CDYL2: variants seen among roughly 807,000 people sequenced by gnomAD.
CDYL2 encodes chromodomain Y like 2.
In CDYL2, 23 loss-of-function variants were observed where a neutral mutation model predicts 49.4. The observed-to-expected ratio is 0.47, with a 90% CI of 0.34 to 0.66. The LOEUF is 0.66. CDYL2 is among the 30% of genes least tolerant of loss of function. The probability of loss-of-function intolerance (pLI) is 0.01; values close to 1 mark genes in which losing one functional copy is unlikely to be tolerated. For synonymous variants in CDYL2, 360 were observed against 268.8 expected, an observed-to-expected ratio of 1.34 and a Z score of -3.32; for missense variants, 678 against 656.4, an observed-to-expected ratio of 1.03 and a Z score of -0.36.
At chr16:80,678,965 A>C (rs1442666830) in intron 2 of CDYL2, among the ~76,000 whole-genome samples, 2 of 151,038 alleles carry the variant, frequency 1.3e-5, no homozygotes, top group African/African-American at 4.9e-5. Context: ...CTTTGTAGGG[A>C]CATGGATGAA....
rs144213571 is a variant in CDYL2 at position 80,720,867 on chromosome 16, A to G, written c.25-35738T>C. On this transcript the variant is annotated intron_variant, in intron 1 of 6. Transcript: ENST00000570137. ...GAGCCGTCCGCTTCAGAAATTGAGCATGTGTGGTTGCTGAAAGGCTTTCTT... is the reference window on the plus strand; with the variant it reads ...GAGCCGTCCGCTTCAGAAATTGAGCGTGTGTGGTTGCTGAAAGGCTTTCTT... Among the ~76,000 whole-genome samples the G allele has an allele frequency of 9.2e-5, 14 of 152,316 alleles. No homozygotes were observed. In the East Asian group the frequency reaches 2.7e-3, roughly 29 times the overall value.
chr16:80,605,297 CAT>C (rs1177780514), intron 6 of CDYL2, among the ~76,000 whole-genome samples: 1 of 148,434 alleles, frequency 6.7e-6, no homozygotes, highest in Non-Finnish European at 1.5e-5. Context: ...CGTATAAACA[CAT>C]ATGTATATAG....
At position 80,633,118 on chromosome 16, in the gene CDYL2, G is replaced by A. The variant is rs759952378; in HGVS notation, c.735C>T (p.Ser245=). The change falls in exon 3 of 7, where the codon AGC becomes AGT. Residue 245 remains serine (S), a synonymous_variant. Transcript: ENST00000570137. ...RLRYSVRQNE[S]NCRFRDIVVR... ...CAACGATGTCTCGAAACCGACAGTTGCTTTCATTCTGGCGGACACTGTATC... is the reference window on the plus strand; with the variant it reads ...CAACGATGTCTCGAAACCGACAGTTACTTTCATTCTGGCGGACACTGTATC... 1 of 1,614,204 alleles carries A rather than the reference G, an allele frequency of 6.2e-7. No homozygotes were observed. The highest frequency in any genetic ancestry group is 8.5e-7 in the Non-Finnish European group (1 of 1,180,030).
intron 1 of CDYL2, among the ~76,000 whole-genome samples, chr16:80,741,183 T>C (rs989036168): frequency 6.7e-5 from 10 of 148,976 alleles, no homozygotes; most frequent in Admixed American, 6.6e-4. Context: ...ACATGTACTA[T>C]ATAAGATGTG....
At chr16:80,722,294 G>A (rs1216270581) in intron 1 of CDYL2, among the ~76,000 whole-genome samples, 1 of 152,154 alleles carries the variant, frequency 6.6e-6, no homozygotes, top group Non-Finnish European at 1.5e-5. Flanking sequence ...GAGCAGGGCT[G>A]GGCACCAAGA....
chr16:80,710,501 TG>T (rs1904559356), intron 1 of CDYL2, among the ~76,000 whole-genome samples: 1 of 152,240 alleles, frequency 6.6e-6, no homozygotes, highest in African/African-American at 2.4e-5. Context: ...GATGTGCGTG[TG>T]TTTGTGTGCA....
chr16:80,666,402 T>C (rs1368537284), intron 2 of CDYL2, among the ~76,000 whole-genome samples: 3 of 152,178 alleles, frequency 2.0e-5, no homozygotes, highest in Admixed American at 1.3e-4. Context: ...CGCTCTCTCA[T>C]AGCAAAGAAC....
intron 1 of CDYL2, among the ~76,000 whole-genome samples, chr16:80,702,512 G>C (rs1031656407): frequency 6.6e-6 from 1 of 152,162 alleles, no homozygotes; most frequent in African/African-American, 2.4e-5. Context: ...CACTCTGGGA[G>C]ACCAAAGCAG....
At chr16:80,615,110 A>G (rs989317059) in intron 4 of CDYL2, among the ~76,000 whole-genome samples, 1 of 152,074 alleles carries the variant, frequency 6.6e-6, no homozygotes, top group Admixed American at 6.5e-5. Flanking sequence ...AAGATGGTGG[A>G]GTTAGCTCTC....
intron 1 of CDYL2, among the ~76,000 whole-genome samples, chr16:80,699,031 G>A (rs1041130223): frequency 6.6e-6 from 1 of 152,126 alleles, no homozygotes; most frequent in South Asian, 2.1e-4. Context: ...GCAAGGATGT[G>A]GAGAAAAGAG....
At chr16:80,795,870 A>G (rs1352382890) in intron 1 of CDYL2, among the ~76,000 whole-genome samples, 2 of 152,236 alleles carry the variant, frequency 1.3e-5, no homozygotes, top group African/African-American at 4.8e-5. Context: ...CAAGGCATTT[A>G]TTTGAAGAAG....
intron 1 of CDYL2, among the ~76,000 whole-genome samples, chr16:80,755,528 AT>A (rs1163892246): frequency 1.3e-5 from 2 of 152,206 alleles, no homozygotes; most frequent in African/African-American, 4.8e-5. Context: ...GGCCAAATCT[AT>A]CAAAAGCCTA....
chr16:80,740,240 G>C (rs374792791), intron 1 of CDYL2, among the ~76,000 whole-genome samples: 3 of 152,270 alleles, frequency 2.0e-5, no homozygotes, highest in South Asian at 2.1e-4. Flanking sequence ...CTTGCCACTT[G>C]TTTTCCCCAC....
At chr16:80,654,329 G>C (rs1324615448) in intron 2 of CDYL2, among the ~76,000 whole-genome samples, 1 of 152,206 alleles carries the variant, frequency 6.6e-6, no homozygotes, top group Non-Finnish European at 1.5e-5. Context: ...CTGATCCTTG[G>C]TGAGCAGGAT....
At chr16:80,625,200 C>G (rs1190829224) in intron 3 of CDYL2, among the ~76,000 whole-genome samples, 1 of 152,232 alleles carries the variant, frequency 6.6e-6, no homozygotes, top group African/African-American at 2.4e-5. Context: ...GTCAGCAAGA[C>G]TGCATTCCTT....
At chr16:80,762,730 A>T (rs1465538813) in intron 1 of CDYL2, among the ~76,000 whole-genome samples, 1 of 152,142 alleles carries the variant, frequency 6.6e-6, no homozygotes, top group African/African-American at 2.4e-5. Flanking sequence ...CATGTCATCA[A>T]TTGCAAGTGT....
At chr16:80,727,298 T>A (rs1433602207) in intron 1 of CDYL2, among the ~76,000 whole-genome samples, 2 of 152,092 alleles carry the variant, frequency 1.3e-5, no homozygotes, top group African/African-American at 4.8e-5. Flanking sequence ...GCGCAAGGGG[T>A]CAGGGAGTTC....
chr16:80,636,250 C>T (rs146551216), intron 2 of CDYL2, among the ~76,000 whole-genome samples: 119 of 152,292 alleles, frequency 7.8e-4, no homozygotes, highest in African/African-American at 2.7e-3. Context: ...GCAAAAGAAA[C>T]TATCACGAGA....
chr16:80,710,270 A>G (rs1251863945), intron 1 of CDYL2, among the ~76,000 whole-genome samples: 1 of 152,198 alleles, frequency 6.6e-6, no homozygotes, highest in African/African-American at 2.4e-5. Flanking sequence ...ATTATAGCAG[A>G]ACTTACTGCT....
Sources: allele counts gnomAD v4.1 joint callset (sites outside exome capture counted in the v4.1 genomes callset), GRCh38; gene constraint gnomAD v4.1.1; transcripts MANE v1.5; gene names NCBI Gene and HGNC (gene_info 2026-07-23, HGNC 2026-07-21).